The following SUGCT variants were observed in gnomAD, a reference collection of about 807,000 sequenced individuals.
The protein encoded by SUGCT is succinyl-CoA:glutarate CoA-transferase.
In SUGCT, 41 loss-of-function variants were observed where a neutral mutation model predicts 55.0. That is an observed-to-expected ratio of 0.74 (90% CI 0.58 to 0.97). The LOEUF (loss-of-function observed/expected upper bound fraction) is 0.97, where lower values mean the gene tolerates loss of function less well. SUGCT is among the 50% of genes least tolerant of loss of function. The probability of loss-of-function intolerance (pLI) is 0.00; values close to 1 mark genes in which losing one functional copy is unlikely to be tolerated. For missense variants in SUGCT, 568 were observed against 547.8 expected (o/e 1.04, Z -0.37); for synonymous variants, 187 against 200.4 (o/e 0.93, Z 0.56).
At chr7:40,999,155 G>A in the SUGCT span, among the ~76,000 whole-genome samples, 1 of 152,024 alleles carries the variant, frequency 6.6e-6, no homozygotes, top group Non-Finnish European at 1.5e-5. Context: ...CATAAATTTA[G>A]GTGAGAGGAC....
chr7:40,147,931 T>C (rs543656479), intron 1 of SUGCT, among the ~76,000 whole-genome samples: 1 of 152,360 alleles, frequency 6.6e-6, no homozygotes, highest in East Asian at 1.9e-4. Context: ...CCCTTACAGT[T>C]GGAGCAATGG....
chr7:40,700,152 T>A (rs1159222639), intron 12 of SUGCT, among the ~76,000 whole-genome samples: 1 of 152,182 alleles, frequency 6.6e-6, no homozygotes, highest in Non-Finnish European at 1.5e-5. Context: ...ATGAGTCAAA[T>A]ACAATTTCTG....
chr7:40,478,431 T>C (rs1469242849), intron 11 of SUGCT, among the ~76,000 whole-genome samples: 2 of 152,198 alleles, frequency 1.3e-5, no homozygotes, highest in Non-Finnish European at 2.9e-5. Context: ...TTATGTGCTT[T>C]TATTGATGAT....
intron 13 of SUGCT, among the ~76,000 whole-genome samples, chr7:40,825,620 T>C (rs13230202): frequency 0.2 from 30,441 of 152,200 alleles, 3,753 homozygotes; most frequent in South Asian, 0.35. Context: ...AGGGGGAATC[T>C]GATGTGTGCT....
chr7:40,572,735 A>T (rs1274704809), intron 12 of SUGCT, among the ~76,000 whole-genome samples: 3 of 152,174 alleles, frequency 2.0e-5, no homozygotes, highest in Non-Finnish European at 4.4e-5. Context: ...AATTGATGGT[A>T]CCTCGGGTCG....
chr7:40,971,540 T>C, the SUGCT span, among the ~76,000 whole-genome samples: 1 of 152,188 alleles, frequency 6.6e-6, no homozygotes, highest in Non-Finnish European at 1.5e-5. Context: ...CAGAGGTTAG[T>C]CAGTGATTGA....
At chr7:40,789,285 C>T (rs1476023944) in intron 13 of SUGCT, among the ~76,000 whole-genome samples, 1 of 152,114 alleles carries the variant, frequency 6.6e-6, no homozygotes, top group African/African-American at 2.4e-5. Context: ...CTCTTAGGTC[C>T]TGGTAACCAC....
intron 12 of SUGCT, among the ~76,000 whole-genome samples, chr7:40,703,845 C>A (rs1463328005): frequency 1.3e-5 from 2 of 152,148 alleles, no homozygotes; most frequent in Non-Finnish European, 2.9e-5. Flanking sequence ...ATAATAGCAA[C>A]ATGTGGTCCC....
intron 13 of SUGCT, among the ~76,000 whole-genome samples, chr7:40,834,512 C>G (rs1404329915): frequency 1.3e-5 from 2 of 152,104 alleles, no homozygotes; most frequent in Non-Finnish European, 2.9e-5. Context: ...AAACTAATTG[C>G]AAATAAATTT....
chr7:40,809,416 G>A (rs1292520222), intron 13 of SUGCT, among the ~76,000 whole-genome samples: 1 of 151,814 alleles, frequency 6.6e-6, no homozygotes, highest in Non-Finnish European at 1.5e-5. Flanking sequence ...ATATATACAA[G>A]TGTGTGTGTG....
At chr7:40,699,195 C>T (rs1260430273) in intron 12 of SUGCT, among the ~76,000 whole-genome samples, 1 of 152,198 alleles carries the variant, frequency 6.6e-6, no homozygotes, top group East Asian at 1.9e-4. Flanking sequence ...AACATGTCCT[C>T]AGGCTATCAA....
chr7:40,962,666 G>T, the SUGCT span, among the ~76,000 whole-genome samples: 2 of 151,346 alleles, frequency 1.3e-5, no homozygotes, highest in East Asian at 1.9e-4. Flanking sequence ...CTAGTGAGAA[G>T]TTCTAGGTTA....
the SUGCT span, among the ~76,000 whole-genome samples, chr7:41,004,726 G>A: frequency 6.6e-6 from 1 of 152,012 alleles, no homozygotes; most frequent in Non-Finnish European, 1.5e-5. Context: ...TTTGAATTAA[G>A]AACCAAATAA....
intron 7 of SUGCT, among the ~76,000 whole-genome samples, chr7:40,251,448 A>T (rs1790395849): frequency 6.6e-6 from 1 of 152,190 alleles, no homozygotes; most frequent in South Asian, 2.1e-4. Context: ...TAGAAGTGGG[A>T]TGAGGTTGAA....
chr7:40,980,137 CAGCAAGAGAG>C, the SUGCT span, among the ~76,000 whole-genome samples: 2 of 152,148 alleles, frequency 1.3e-5, no homozygotes, highest in East Asian at 1.9e-4. Flanking sequence ...AAGAGAGAGA[CAGCAAGAGAG>C]AGCAAGAGAG....
chr7:40,174,400 C>G (rs1562814733), intron 1 of SUGCT, among the ~76,000 whole-genome samples: 2 of 152,078 alleles, frequency 1.3e-5, no homozygotes, highest in Non-Finnish European at 2.9e-5. Flanking sequence ...GGTAGGGCCA[C>G]AAGCATGCCA....
intron 13 of SUGCT, among the ~76,000 whole-genome samples, chr7:40,842,362 G>A (rs918939998): frequency 6.6e-6 from 1 of 151,984 alleles, no homozygotes; most frequent in Admixed American, 6.6e-5. Flanking sequence ...GAAATAATAA[G>A]CATTTTTTTA....
intron 13 of SUGCT, among the ~76,000 whole-genome samples, chr7:40,754,398 A>G (rs1483208071): frequency 2.0e-5 from 3 of 152,180 alleles, no homozygotes; most frequent in South Asian, 4.1e-4. Flanking sequence ...CTTAATTAAT[A>G]TAACCTGTAT....
At chr7:40,982,395 T>C in the SUGCT span, among the ~76,000 whole-genome samples, 1 of 152,126 alleles carries the variant, frequency 6.6e-6, no homozygotes, top group Non-Finnish European at 1.5e-5. Context: ...CTTTTAGGGT[T>C]AGGGTTAGGG....
Sources: gnomAD v4.1 joint callset for allele counts (sites outside exome capture counted in the v4.1 genomes callset) on GRCh38, gnomAD v4.1.1 for gene constraint, MANE v1.5 for transcripts, NCBI Gene and HGNC (gene_info 2026-07-23, HGNC 2026-07-21) for gene names.